SUSD1: variants seen among roughly 807,000 people sequenced by gnomAD.
SUSD1 encodes sushi domain-containing protein 1.
A neutral mutation model predicts 86.9 loss-of-function variants in SUSD1; 65 were observed. The ratio of observed to expected loss-of-function variants is 0.75; its 90% CI spans 0.61 to 0.92. The LOEUF is 0.92. SUSD1 is among the 40% of genes least tolerant of loss of function. The pLI, the probability that SUSD1 is intolerant of heterozygous loss-of-function variation, is 0.00. For missense variants in SUSD1, 850 were observed against 929.7 expected (o/e 0.91, Z 1.11); for synonymous variants, 346 against 350.0 (o/e 0.99, Z 0.13).
chr9:112,126,437 C>A (rs1045859835), intron 5 of SUSD1, among the ~76,000 whole-genome samples: 4 of 152,130 alleles, frequency 2.6e-5, no homozygotes, highest in Non-Finnish European at 4.4e-5. Flanking sequence ...TTGGTTGGGA[C>A]TGCAAGATTT....
intron 5 of SUSD1, among the ~76,000 whole-genome samples, chr9:112,128,233 C>G (rs915124771): frequency 3.9e-5 from 6 of 152,030 alleles, no homozygotes; most frequent in Non-Finnish European, 8.8e-5. Flanking sequence ...GCTGGGACTA[C>G]AGGCATGCAC....
intron 8 of SUSD1, among the ~76,000 whole-genome samples, chr9:112,107,327 T>C (rs1207600210): frequency 6.7e-6 from 1 of 149,808 alleles, no homozygotes; most frequent in Admixed American, 6.6e-5. Context: ...CTCACACCTG[T>C]AGTCCCAGCT....
chr9:112,049,517 TC>T (rs1347820310), intron 15 of SUSD1, among the ~76,000 whole-genome samples: 3 of 152,226 alleles, frequency 2.0e-5, no homozygotes, highest in African/African-American at 7.2e-5. Context: ...ACTGCTGGTT[TC>T]CTGATCATCT....
chr9:112,043,608 G>C (rs184819271), intron 15 of SUSD1, among the ~76,000 whole-genome samples: 1 of 152,166 alleles, frequency 6.6e-6, no homozygotes, highest in Non-Finnish European at 1.5e-5. Flanking sequence ...CAATTCCTCT[G>C]TCTTGATAAA....
At chr9:112,120,179 T>C (rs1831494272) in intron 6 of SUSD1, among the ~76,000 whole-genome samples, 1 of 152,100 alleles carries the variant, frequency 6.6e-6, no homozygotes, top group African/African-American at 2.4e-5. Flanking sequence ...TGGTGGGTCA[T>C]GTCTGTAGTC....
At chr9:112,069,971 G>A (rs1829186792) in intron 12 of SUSD1, among the ~76,000 whole-genome samples, 1 of 151,986 alleles carries the variant, frequency 6.6e-6, no homozygotes, top group South Asian at 2.1e-4. Flanking sequence ...AGGTCTCCCT[G>A]CCCTATATTT....
intron 15 of SUSD1, chr9:112,052,071 T>A (rs1828238090): frequency 6.8e-6 from 8 of 1,171,382 alleles, no homozygotes; most frequent in Non-Finnish European, 7.7e-6. Context: ...CCCTCTCACA[T>A]GTCCTACAGT....
In SUSD1 at chr9:112,041,285, A is replaced by G; in HGVS notation, c.*207T>C. On this transcript the variant is annotated 3_prime_UTR_variant, in exon 17 of 17. Transcript: ENST00000374270. ...GGTCCTGTAGCAGGGAAGACTCAGA[A>G]TTCCTGAGTTTTCTCCTTATGGTGA... 1.6e-6 allele frequency: 1 copy of G among 621,314 alleles called. No individual in the cohort carries two copies. Among genetic ancestry groups the G allele is most frequent in the Non-Finnish European group, 2.9e-6 (1 of 348,422 alleles). The allele number at this position is 621,314 out of a possible 1,614,324, so 38.5% of individuals were successfully genotyped here.
At position 112,149,413 on chromosome 9, in the gene SUSD1, G is replaced by T; in HGVS notation, c.218-14C>A. On this transcript the variant is annotated splice_polypyrimidine_tract_variant and intron_variant, in intron 2 of 16. Transcript: ENST00000374270. ...ACTCATTTTTATCTGTTGACACACAGACAAGGCACCGGAAGAGCTATCAAT... is the reference window on the plus strand; with the variant it reads ...ACTCATTTTTATCTGTTGACACACATACAAGGCACCGGAAGAGCTATCAAT... 1 of 1,612,942 alleles carries T rather than the reference G, an allele frequency of 6.2e-7. No homozygotes were observed. Among genetic ancestry groups the T allele is most frequent in the Non-Finnish European group, 8.5e-7 (1 of 1,179,432 alleles).
intron 1 of SUSD1, among the ~76,000 whole-genome samples, chr9:112,170,123 C>T (rs1261214483): frequency 6.6e-6 from 1 of 152,174 alleles, no homozygotes; most frequent in Non-Finnish European, 1.5e-5. Context: ...CACCCAGGAC[C>T]AAGTCCCTGG....
At chr9:112,101,187 C>T (rs532240061) in intron 9 of SUSD1, among the ~76,000 whole-genome samples, 6 of 151,858 alleles carry the variant, frequency 4.0e-5, no homozygotes, top group South Asian at 4.2e-4. Context: ...TATGGTGACA[C>T]GACATCTCTA....
At chr9:112,156,548 A>G (rs1833333614) in intron 2 of SUSD1, among the ~76,000 whole-genome samples, 1 of 152,138 alleles carries the variant, frequency 6.6e-6, no homozygotes, top group Non-Finnish European at 1.5e-5. Context: ...CTGGAAGTAC[A>G]GGCATGTGCC....
At chr9:112,112,657 G>GAA in intron 7 of SUSD1, 114 bp downstream of exon 7, 5 of 670,676 alleles carry the variant, frequency 7.5e-6, no homozygotes, top group Admixed American at 2.9e-5. Context: ...AAGAAAAAAA[G>GAA]AAAAAAAAAC....
At chr9:112,075,665 A>C (rs1829485048) in intron 12 of SUSD1, among the ~76,000 whole-genome samples, 1 of 152,236 alleles carries the variant, frequency 6.6e-6, no homozygotes, top group Non-Finnish European at 1.5e-5. Flanking sequence ...GGATTGCTAC[A>C]GCCCAGGGGC....
At chr9:112,170,753 A>G (rs1286150134) in intron 1 of SUSD1, among the ~76,000 whole-genome samples, 2 of 146,316 alleles carry the variant, frequency 1.4e-5, no homozygotes, top group Non-Finnish European at 3.0e-5. Flanking sequence ...TCTGTCACCT[A>G]GGCTGGAGTG....
Position 112,041,243 on chromosome 9 carries a change from G to A in SUSD1, c.*249C>T. ...TCACAGTGTACATCAGGAGTCTCAA[G>A]TTCATTGCACAGAACTGGTCCTGTA... On this transcript the variant is annotated 3_prime_UTR_variant, in exon 17 of 17. Transcript: ENST00000374270. 1.7e-6 allele frequency: 1 copy of A among 601,200 alleles called. No homozygotes were observed. The highest frequency in any genetic ancestry group is 2.0e-5 in the South Asian group (1 of 49,856). The allele number at this position is 601,200 out of a possible 1,614,324, so 37.2% of individuals were successfully genotyped here. A position where few individuals can be genotyped will look rare whatever the true frequency, so the allele number is the denominator to read the frequency against.
At chr9:112,171,563 A>G (rs753951700) in intron 1 of SUSD1, among the ~76,000 whole-genome samples, 2 of 152,096 alleles carry the variant, frequency 1.3e-5, no homozygotes, top group Non-Finnish European at 2.9e-5. Flanking sequence ...CGGACTTCCT[A>G]GGAGGAGTGA....
chr9:112,099,835 A>G (rs898471483), intron 9 of SUSD1, among the ~76,000 whole-genome samples: 1 of 152,196 alleles, frequency 6.6e-6, no homozygotes, highest in African/African-American at 2.4e-5. Context: ...GTTCATAAGG[A>G]TTCTTCTCTC....
rs201790826 is a variant in SUSD1, at chr9:112,058,424, A to T, written c.2109+4T>A. Reference sequence around the variant, plus strand: ...AGTTCACAAGAGCTTGGAAAGAAAGATACCTTATTCCATTCACTTGTGATT... The same window carrying T: ...AGTTCACAAGAGCTTGGAAAGAAAGTTACCTTATTCCATTCACTTGTGATT... On this transcript the variant is annotated splice_donor_region_variant and intron_variant, in intron 14 of 16. Coordinates refer to ENST00000374270, the MANE Select transcript of SUSD1 (RefSeq NM_022486.5). 8.6e-5 allele frequency: 138 copies of T among 1,611,254 alleles called. No individual in the cohort carries two copies. The East Asian group carries it at 2.3e-3, about 26-fold the overall frequency.
Sources: gnomAD v4.1 joint callset for allele counts (sites outside exome capture counted in the v4.1 genomes callset) on GRCh38, gnomAD v4.1.1 for gene constraint, MANE v1.5 for transcripts, NCBI Gene and HGNC (gene_info 2026-07-23, HGNC 2026-07-21) for gene names.